NAE1: variants seen among roughly 807,000 people sequenced by gnomAD.
The protein encoded by NAE1 is NEDD8 activating enzyme E1 subunit 1.
NAE1 carries 59 observed loss-of-function variants against 88.0 expected under a neutral mutation model. The observed-to-expected ratio is 0.67, with a 90% CI of 0.54 to 0.83. The LOEUF (loss-of-function observed/expected upper bound fraction) is 0.83. Ranked by LOEUF, NAE1 falls within the 40% of genes least tolerant of loss-of-function variation. The pLI, the probability that NAE1 is intolerant of heterozygous loss-of-function variation, is 0.00. For missense variants in NAE1, 554 were observed against 632.8 expected, an observed-to-expected ratio of 0.88 and a Z score of 1.34; for synonymous variants, 186 against 208.9, an observed-to-expected ratio of 0.89 and a Z score of 0.95.
At chr16:66,819,575 C>T (rs546628770) in intron 7 of NAE1, among the ~76,000 whole-genome samples, 1 of 152,222 alleles carries the variant, frequency 6.6e-6, no homozygotes, top group African/African-American at 2.4e-5. Flanking sequence ...ATGCTTGGGA[C>T]CATAAGTGTT....
chr16:66,818,766 G>A, intron 7 of NAE1, 129 bp from the exon 8 acceptor site: 3 of 1,258,000 alleles, frequency 2.4e-6, no homozygotes, highest in African/African-American at 1.6e-5. Flanking sequence ...AAACTCCTGG[G>A]CTGAAGGGAT....
chr16:66,826,705 A>T lies in NAE1; in HGVS notation c.129T>A (p.Thr43=), dbSNP rs776026378. 3 of 1,614,152 alleles carry T rather than the reference A, an allele frequency of 1.9e-6. No individual in the cohort carries two copies. The highest frequency in any genetic ancestry group is 2.5e-6 in the Non-Finnish European group (3 of 1,180,012). Residue 43 remains threonine, a synonymous_variant, in exon 2 of 20, where the codon ACT becomes ACA. Coordinates refer to ENST00000290810, the MANE Select transcript of NAE1 (RefSeq NM_003905.4). The part of the protein sequence containing the change: ...VCLINATATG[T]EILKNLVLPG... ...GTAGTACCAAGTTTTTAAGAATTTC[A>T]GTTCCTGTGGCTGTTGCATTTATTA...
At chr16:66,824,969 T>A (rs1960405073) in intron 3 of NAE1, 84 bp from the exon 4 acceptor site, 1 of 1,215,918 alleles carries the variant, frequency 8.2e-7, no homozygotes, top group African/African-American at 1.5e-5. Flanking sequence ...GCATATTTCA[T>A]TCACAGTATA....
chr16:66,822,658 ATTTATTT>A (rs1960311740), intron 6 of NAE1, among the ~76,000 whole-genome samples: 1 of 147,542 alleles, frequency 6.8e-6, no homozygotes, highest in African/African-American at 2.5e-5. Flanking sequence ...TCTTTTATTT[ATTTATTT>A]ATTTATTTAT....
intron 6 of NAE1, among the ~76,000 whole-genome samples, chr16:66,822,423 T>A (rs2145344559): frequency 6.6e-6 from 1 of 151,952 alleles, no homozygotes; most frequent in South Asian, 2.1e-4. Context: ...ATACAAAAAT[T>A]AGCCGGGCAC....
chr16:66,819,886 G>T (rs1459522650), intron 7 of NAE1, among the ~76,000 whole-genome samples: 2 of 152,036 alleles, frequency 1.3e-5, no homozygotes, highest in African/African-American at 4.8e-5. Context: ...CCCTAAATTA[G>T]GAAAAAGAAC....
intron 19 of NAE1, among the ~76,000 whole-genome samples, chr16:66,804,768 A>G (rs781328891): frequency 4.0e-5 from 6 of 151,884 alleles, no homozygotes; most frequent in Non-Finnish European, 8.8e-5. Context: ...CTTCATGAAT[A>G]GGATTAGTGC....
chr16:66,809,463 A>G (rs1189008371), intron 15 of NAE1, among the ~76,000 whole-genome samples: 1 of 152,232 alleles, frequency 6.6e-6, no homozygotes. Flanking sequence ...ATGGATAAGT[A>G]GTCCTAAAGG....
At chr16:66,805,714 T>A in intron 19 of NAE1, 63 bp downstream of exon 19, 1 of 1,282,620 alleles carries the variant, frequency 7.8e-7, no homozygotes, top group Non-Finnish European at 1.0e-6. Context: ...CGACAAAACT[T>A]TGTATTAAAA....
At chr16:66,806,078 G>A in intron 17 of NAE1, 52 bp from the exon 18 acceptor site, 2 of 1,523,108 alleles carry the variant, frequency 1.3e-6, no homozygotes, top group Non-Finnish European at 1.8e-6. Flanking sequence ...AAAATTAATG[G>A]CCAACTCCTT....
rs1960052885 is a variant in NAE1 at position 66,816,589 on chromosome 16, T to C, written c.832A>G (p.Thr278Ala). 1 of 1,604,106 alleles carries C rather than the reference T, an allele frequency of 6.2e-7. No individual in the cohort carries two copies. Among genetic ancestry groups the C allele is most frequent in the Admixed American group, 1.7e-5 (1 of 59,836 alleles). Residue 278 changes from threonine (T) to alanine (A), a missense_variant, in exon 11 of 20, where the codon ACA becomes GCA. Thr to Ala is a moderately conservative substitution (Grantham distance 58). Coordinates refer to ENST00000290810, the MANE Select transcript of NAE1 (RefSeq NM_003905.4). Reference sequence around the variant, plus strand: ...AGCAACTCTTTCATTACCTGAGTTGTATTTAGTGCTGTGTTCACATTTTTA... The same window carrying C: ...AGCAACTCTTTCATTACCTGAGTTGCATTTAGTGCTGTGTTCACATTTTTA... Reference protein sequence around the residue: ...AIKNVNTALNTTQIPSSIEDI... With the variant: ...AIKNVNTALNATQIPSSIEDI...
chr16:66,808,664 A>C (rs1959669501), intron 16 of NAE1, 51 bp from the exon 17 acceptor site: 1 of 1,291,726 alleles, frequency 7.7e-7, no homozygotes, highest in African/African-American at 1.5e-5. Context: ...CAATGTAACA[A>C]ACAATGAAGG....
intron 13 of NAE1, among the ~76,000 whole-genome samples, chr16:66,811,078 A>G (rs896585242): frequency 4.2e-4 from 64 of 152,212 alleles, no homozygotes; most frequent in Non-Finnish European, 2.1e-4. Flanking sequence ...GAAAAAATAC[A>G]TTACTGAAGA....
intron 1 of NAE1, chr16:66,828,272 C>T (rs553230181): frequency 4.6e-6 from 2 of 434,140 alleles, no homozygotes; most frequent in Non-Finnish European, 8.4e-6. Flanking sequence ...AGGCAGATCA[C>T]CTGAGGTCAG....
chr16:66,820,422 A>G (rs1040303296), intron 7 of NAE1, among the ~76,000 whole-genome samples: 3 of 152,192 alleles, frequency 2.0e-5, no homozygotes, highest in African/African-American at 7.2e-5. Context: ...GTGAAATTGC[A>G]CCTGAATTGA....
intron 11 of NAE1, among the ~76,000 whole-genome samples, chr16:66,815,484 G>A (rs1487395022): frequency 6.6e-6 from 1 of 152,040 alleles, no homozygotes; most frequent in Non-Finnish European, 1.5e-5. Flanking sequence ...AGGCTCCAGA[G>A]TAGCTGAGAC....
At chr16:66,821,371 A>C in intron 7 of NAE1, 79 bp downstream of exon 7, 1 of 1,394,094 alleles carries the variant, frequency 7.2e-7, no homozygotes, top group Non-Finnish European at 9.4e-7. Context: ...GTAATTTAAA[A>C]CTGACTTTCT....
At chr16:66,828,201 T>G (rs1157242942) in intron 1 of NAE1, 1 of 746,318 alleles carries the variant, frequency 1.3e-6, no homozygotes, top group Non-Finnish European at 2.2e-6. Context: ...AGAATACTGG[T>G]GCATCTTGGC....
At chr16:66,822,582 TA>T (rs201687279) in intron 6 of NAE1, among the ~76,000 whole-genome samples, 4 of 146,048 alleles carry the variant, frequency 2.7e-5, no homozygotes, top group Admixed American at 6.8e-5. Flanking sequence ...AGAATAATAA[TA>T]AAAAAAAAAG....
Sources: allele counts gnomAD v4.1 joint callset (sites outside exome capture counted in the v4.1 genomes callset), GRCh38; gene constraint gnomAD v4.1.1; transcripts MANE v1.5; gene names NCBI Gene and HGNC (gene_info 2026-07-23, HGNC 2026-07-21).